SYTL4: variants seen among roughly 807,000 people sequenced by gnomAD.
SYTL4 encodes the protein synaptotagmin-like protein 4.
A neutral mutation model predicts 52.7 loss-of-function variants in SYTL4; 16 were observed. That is an observed-to-expected ratio of 0.30 (90% CI 0.21 to 0.46). SYTL4 has a LOEUF of 0.46. Ranked by LOEUF, SYTL4 falls within the 20% of genes least tolerant of loss-of-function variation. SYTL4 has a pLI of 1.00. For synonymous variants in SYTL4, 160 were observed against 186.6 expected, an observed-to-expected ratio of 0.86 and a Z score of 1.16; for missense variants, 423 against 519.9, an observed-to-expected ratio of 0.81 and a Z score of 1.81.
chrX:100,681,487 C>T, intron 16 of SYTL4, 152 bp from the exon 17 acceptor site: 3 of 443,782 alleles, frequency 6.8e-6, no homozygotes, highest in Non-Finnish European at 1.2e-5. Flanking sequence ...CGTCCCTAGG[C>T]CATGGCAGCC....
At chrX:100,686,941 T>C (rs2083485004) in intron 14 of SYTL4, 126 bp downstream of exon 14, 1 of 909,201 alleles carries the variant, frequency 1.1e-6, no homozygotes, top group Admixed American at 3.0e-5. Context: ...CCAATCCTGG[T>C]TCTTTTCCTA....
At chrX:100,723,973 T>G (rs1311046271) in intron 2 of SYTL4, among the ~76,000 whole-genome samples, 20 of 55,933 alleles carry the variant, frequency 3.6e-4, no homozygotes, top group Admixed American at 8.5e-4. Context: ...GGTGGGGGGG[T>G]CAGCCCCCCG....
At chrX:100,701,890 A>G (rs1434306855) in intron 5 of SYTL4, 38 bp downstream of exon 5, 1 of 1,077,811 alleles carries the variant, frequency 9.3e-7, no homozygotes, top group South Asian at 2.0e-5. Context: ...ATCATTGGTC[A>G]AAGGCCTGGG....
At chrX:100,700,866 G>T in intron 8 of SYTL4, 31 bp downstream of exon 8, 1 of 1,029,841 alleles carries the variant, frequency 9.7e-7, no homozygotes, top group Non-Finnish European at 1.4e-6. Context: ...GATATTGTAA[G>T]CATTTCTTTA....
chrX:100,675,984 G>C lies in SYTL4; in HGVS notation c.*44C>G. 8.5e-7 allele frequency: 1 copy of C among 1,179,785 alleles called. No homozygotes were observed. Among genetic ancestry groups the C allele is most frequent in the Non-Finnish European group, 1.1e-6 (1 of 877,367 alleles). On this transcript the variant is annotated 3_prime_UTR_variant, in exon 20 of 20. Coordinates refer to ENST00000372989, the MANE Select transcript of SYTL4 (RefSeq NM_001370165.1). ...TGCTCTTGATTTCTTCACTTCCTCTGACCTGCCCTCGCCAGGGCTGGACCT... is the reference window on the plus strand; with the variant it reads ...TGCTCTTGATTTCTTCACTTCCTCTCACCTGCCCTCGCCAGGGCTGGACCT...
chrX:100,675,854 C>A lies in SYTL4; in HGVS notation c.*174G>T. ...GAAGAACAAGTCTGCATCACTCTAG[C>A]CAGCATAATGAGATTTGCAGAAAAT... On this transcript the variant is annotated 3_prime_UTR_variant, in exon 20 of 20. Coordinates refer to ENST00000372989, the MANE Select transcript of SYTL4 (RefSeq NM_001370165.1). 4 of 410,238 alleles carry A rather than the reference C, an allele frequency of 9.8e-6. No individual in the cohort carries two copies. Among genetic ancestry groups the A allele is most frequent in the Non-Finnish European group, 1.6e-5 (4 of 250,616 alleles). 33.8% of individuals were successfully genotyped at this position (410,238 alleles called of 1,213,427 possible).
chrX:100,698,645 G>C (rs1315920013), intron 8 of SYTL4, among the ~76,000 whole-genome samples: 1 of 111,743 alleles, frequency 8.9e-6, no homozygotes, highest in African/African-American at 3.3e-5. Context: ...TACCATTCAA[G>C]TATAAAGGCA....
chrX:100,681,719 C>T (rs2083378658), intron 16 of SYTL4, among the ~76,000 whole-genome samples: 1 of 111,806 alleles, frequency 8.9e-6, no homozygotes. Context: ...GTGGAAACGA[C>T]CTAAATGTCA....
At chrX:100,689,699 C>T (rs1602781980) in intron 12 of SYTL4, among the ~76,000 whole-genome samples, 157 bp downstream of exon 12, 1 of 99,157 alleles carries the variant, frequency 1.0e-5, no homozygotes, top group South Asian at 5.1e-4. Context: ...TTAAGCAAAT[C>T]AGGAACCAGA....
Position 100,707,804 on chromosome X carries a change from A to G in SYTL4, c.-239-2918T>C, listed in dbSNP as rs2083987948. On this transcript the variant is annotated intron_variant, in intron 2 of 19. Transcript: ENST00000372989. ...TTATCTATTGAGAAGACCACGGCTC[A>G]GGTAACATGAGTGTCAGAATCTGAG... Among the ~76,000 whole-genome samples the G allele has an allele frequency of 2.7e-5, 3 of 111,738 alleles. No homozygotes were observed. In the South Asian group the frequency reaches 1.1e-3, roughly 42 times the overall value.
At chrX:100,695,263 C>T (rs2083682714) in intron 8 of SYTL4, among the ~76,000 whole-genome samples, 1 of 111,546 alleles carries the variant, frequency 9.0e-6, no homozygotes, top group Non-Finnish European at 1.9e-5. Context: ...AATCACTTAT[C>T]CTGCTTTCTT....
At chrX:100,698,455 A>G (rs1242642702) in intron 8 of SYTL4, among the ~76,000 whole-genome samples, 5 of 111,470 alleles carry the variant, frequency 4.5e-5, no homozygotes, top group Admixed American at 2.9e-4. Flanking sequence ...GGCAAGTCCA[A>G]TCTCTCTCCC....
Position 100,675,567 on chromosome X carries a change from C to T in SYTL4, c.*461G>A, listed in dbSNP as rs2083261973. 1 of 112,919 alleles carries T rather than the reference C, an allele frequency of 8.9e-6. No homozygotes were observed. The highest frequency in any genetic ancestry group is 3.3e-5 in the African/African-American group (1 of 30,767). 9.3% of individuals were successfully genotyped at this position (112,919 alleles called of 1,213,427 possible). A position where few individuals can be genotyped will look rare whatever the true frequency, so the allele number is the denominator to read the frequency against. ...AAAGAGGAAGGAACTACTCACCTCT[C>T]CCCAACATTCCTGTCTTTACTAACC... On this transcript the variant is annotated 3_prime_UTR_variant, in exon 20 of 20. Transcript: ENST00000372989.
chrX:100,726,197 G>C lies in SYTL4; in HGVS notation c.-240+5221C>G, dbSNP rs1338935684. On this transcript the variant is annotated intron_variant, in intron 2 of 19. Transcript: ENST00000372989. ...ATGGATACAGGGTTCTGCGACTTGA[G>C]GCAGAGACAAATTCAAGTTACCCAA... 7.3e-5 allele frequency among the ~76,000 whole-genome samples: 8 copies of C among 108,934 alleles called. No homozygotes were observed. In the Admixed American group the frequency reaches 8.1e-4, roughly 11 times the overall value. 94.6% of individuals were successfully genotyped at this position (108,934 alleles called of 115,157 possible). A position where few individuals can be genotyped will look rare whatever the true frequency, so the allele number is the denominator to read the frequency against.
intron 12 of SYTL4, 105 bp from the exon 13 acceptor site, chrX:100,688,548 T>G: frequency 1.8e-6 from 1 of 549,636 alleles, no homozygotes; most frequent in South Asian, 4.2e-5. Context: ...TGTGTATGTG[T>G]ACGCACACAT....
rs1421664793 is a variant in SYTL4 at position 100,675,917 on chromosome X, CACAT to C, written c.*107_*110del. The C allele has an allele frequency of 2.8e-3, 1,854 of 672,229 alleles. 1 individual carries two copies. The highest frequency in any genetic ancestry group is 9.0e-3 in the African/African-American group (392 of 43,422). The allele number at this position is 672,229 out of a possible 1,213,427, so 55.4% of individuals were successfully genotyped here. On this transcript the variant is annotated 3_prime_UTR_variant, in exon 20 of 20. Coordinates refer to ENST00000372989, the MANE Select transcript of SYTL4 (RefSeq NM_001370165.1). ...ACATACACACACACACACACACACA[CACAT>C]ACACACATACACACATACACATTAA...
intron 19 of SYTL4, among the ~76,000 whole-genome samples, chrX:100,677,759 A>T (rs1346714409): frequency 8.9e-6 from 1 of 112,205 alleles, no homozygotes. Flanking sequence ...GATGAGAACA[A>T]CACTTTGGCA....
intron 9 of SYTL4, 147 bp downstream of exon 9, chrX:100,690,961 G>C: frequency 2.1e-6 from 1 of 470,001 alleles, no homozygotes; most frequent in Non-Finnish European, 3.7e-6. Flanking sequence ...AGCCAAATCA[G>C]TAGACGTGCT....
chrX:100,678,723 A>G, intron 18 of SYTL4, 124 bp from the exon 19 acceptor site: 1 of 535,854 alleles, frequency 1.9e-6, no homozygotes, highest in Non-Finnish European at 3.2e-6. Flanking sequence ...CCTACTACAC[A>G]CGCCCCTCCT....
Sources: gnomAD v4.1 joint callset for allele counts (sites outside exome capture counted in the v4.1 genomes callset) on GRCh38, gnomAD v4.1.1 for gene constraint, MANE v1.5 for transcripts, NCBI Gene and HGNC (gene_info 2026-07-23, HGNC 2026-07-21) for gene names.